TLR4: variants seen among roughly 807,000 people sequenced by gnomAD.
TLR4 encodes toll-like receptor 4.
A neutral mutation model predicts 27.4 loss-of-function variants in TLR4; 17 were observed. The ratio of observed to expected loss-of-function variants is 0.62; its 90% confidence interval spans 0.42 to 0.93. The LOEUF is 0.93. Among genes scored for constraint, TLR4 ranks in the 40% least tolerant of loss-of-function variants. The pLI is 0.00. For synonymous variants in TLR4, 363 were observed against 365.7 expected (o/e 0.99, Z 0.08); for missense variants, 926 against 962.3 (o/e 0.96, Z 0.50).
At position 117,714,768 on chromosome 9, in the gene TLR4, T is replaced by C; in HGVS notation, c.*120T>C. ...CTTATGCTAAGGGTGAGTAATTCCA[T>C]GGTGCACTAGATATGCAGGGCTGCT... On this transcript the variant is annotated 3_prime_UTR_variant, in exon 3 of 3. Transcript: ENST00000355622. The C allele has an allele frequency of 1.2e-6, 1 of 852,146 alleles. No homozygotes were observed. The highest frequency in any genetic ancestry group is 1.9e-6 in the Non-Finnish European group (1 of 521,544). 52.8% of individuals were successfully genotyped at this position (852,146 alleles called of 1,614,324 possible). A position where few individuals can be genotyped will look rare whatever the true frequency, so the allele number is the denominator to read the frequency against.
Position 117,712,957 on chromosome 9 carries a change from C to G in TLR4, c.829C>G (p.Leu277Val). 1 of 1,614,092 alleles carries G rather than the reference C, an allele frequency of 6.2e-7. No individual in the cohort carries two copies. The highest frequency in any genetic ancestry group is 8.5e-7 in the Non-Finnish European group (1 of 1,179,998). Residue 277 changes from leucine to valine, a missense_variant, in exon 3 of 3, where the codon CTA (leucine) becomes GTA (valine). By Grantham distance (32) the Leu-to-Val change is conservative. Transcript: ENST00000355622. ...GNLEKFDKSA[L>V]EGLCNLTIEE... ...CTTGGAAAAGTTTGACAAATCTGCT[C>G]TAGAGGGCCTGTGCAATTTGACCAT...
At position 117,712,392 on chromosome 9, in the gene TLR4, T is replaced by G. The variant is rs1829246330; in HGVS notation, c.264T>G (p.Cys88Trp). 1 of 1,613,388 alleles carries G rather than the reference T, an allele frequency of 6.2e-7. No homozygotes were observed. The highest frequency in any genetic ancestry group is 2.2e-5 in the East Asian group (1 of 44,848). ...CAATGTCTTTTTATTCCTGTAGGTG[T>G]GAAATCCAGACAATTGAAGATGGGG... ...PELQVLDLSR[C>W]EIQTIEDGAY... is the part of the protein sequence containing the mutation. The change falls in exon 3 of 3, where the codon TGT becomes TGG. Residue 88 changes from cysteine (C) to tryptophan (W), a missense_variant. Transcript: ENST00000355622.
At chr9:117,707,422 A>T (rs757476977) in intron 1 of TLR4, among the ~76,000 whole-genome samples, 4 of 152,228 alleles carry the variant, frequency 2.6e-5, no homozygotes, top group Admixed American at 1.3e-4. Flanking sequence ...ATAATAATTA[A>T]TGTTGACATC....
rs201535425 is a variant in TLR4 at position 117,713,739 on chromosome 9, G to A, written c.1611G>A (p.Thr537=). Residue 537 remains threonine (T), a synonymous_variant, in exon 3 of 3, where the codon ACG becomes ACA. Coordinates refer to ENST00000355622, the MANE Select transcript of TLR4 (RefSeq NM_138554.5). ...ACAACAACTTCTTTTCATTGGATAC[G>A]TTTCCTTATAAGTGTCTGAACTCCC... ...MSHNNFFSLD[T]FPYKCLNSLQ... is the part of the protein sequence containing the mutation. The A allele has an allele frequency of 9.3e-6, 15 of 1,613,892 alleles. No homozygotes were observed. Among genetic ancestry groups the A allele is most frequent in the South Asian group, 4.4e-5 (4 of 91,082 alleles).
rs1829383545 is a variant in TLR4 at position 117,718,388 on chromosome 9, GATTT to G, written c.*3747_*3750del. 1.3e-5 allele frequency: 2 copies of G among 152,042 alleles called. No individual in the cohort carries two copies. Among genetic ancestry groups the G allele is most frequent in the South Asian group, 4.1e-4 (2 of 4,820 alleles). The allele number at this position is 152,042 out of a possible 1,614,324, so 9.4% of individuals were successfully genotyped here. Reference sequence around the variant, plus strand: ...TGCATATATGTTATACATACCAAATGATTTATTTATAACCCTATCTTTCCATAAA... The same window carrying G: ...TGCATATATGTTATACATACCAAATGATTTATAACCCTATCTTTCCATAAA... On this transcript the variant is annotated 3_prime_UTR_variant, in exon 3 of 3. Transcript: ENST00000355622.
Position 117,713,166 on chromosome 9 carries a change from C to T in TLR4, c.1038C>T (p.Pro346=). 1 of 1,613,950 alleles carries T rather than the reference C, an allele frequency of 6.2e-7. No individual in the cohort carries two copies. ...TTAACTGTAAATTTGGACAGTTTCC[C>T]ACATTGAAACTCAAATCTCTCAAAA... is the stretch of plus-strand genomic sequence containing the variant. ...ELVNCKFGQF[P]TLKLKSLKRL... Residue 346 remains proline, a synonymous_variant, in exon 3 of 3, where the codon CCC becomes CCT. Coordinates refer to ENST00000355622, the MANE Select transcript of TLR4 (RefSeq NM_138554.5).
At chr9:117,704,626 G>C in intron 1 of TLR4, 61 bp downstream of exon 1, 1 of 1,408,018 alleles carries the variant, frequency 7.1e-7, no homozygotes, top group South Asian at 1.2e-5. Context: ...ACTTCTCACT[G>C]TGTGCCCTGG....
intron 1 of TLR4, chr9:117,708,265 C>T: frequency 2.6e-6 from 3 of 1,163,468 alleles, no homozygotes; most frequent in Non-Finnish European, 3.2e-6. Context: ...GGAGCCTCAG[C>T]CCTTCACCCC....
intron 1 of TLR4, chr9:117,708,258 G>A: frequency 8.7e-7 from 1 of 1,148,644 alleles, no homozygotes; most frequent in Non-Finnish European, 1.1e-6. Flanking sequence ...AGACTCCGGA[G>A]CCTCAGCCCT....
Position 117,708,434 on chromosome 9 carries a change from A to G in TLR4, c.94-129A>G, listed in dbSNP as rs1010703217. On this transcript the variant is annotated intron_variant, in intron 1 of 2. Transcript: ENST00000355622. ...GATATATGGATGGAAGGATGGACAG[A>G]TGGATGAAAGGTTGACTGAATTTTG... The G allele has an allele frequency of 5.8e-5, 91 of 1,569,650 alleles. No individual in the cohort carries two copies. In the Admixed American group the frequency reaches 1.6e-3, roughly 27 times the overall value.
intron 1 of TLR4, 137 bp from the exon 2 acceptor site, chr9:117,708,426 A>T (rs1352850998): frequency 6.4e-7 from 1 of 1,553,484 alleles, no homozygotes. Flanking sequence ...GGATGGAAGG[A>T]TGGACAGATG....
chr9:117,716,302 T>C lies in TLR4; in HGVS notation c.*1654T>C, dbSNP rs553369114. On this transcript the variant is annotated 3_prime_UTR_variant, in exon 3 of 3. Coordinates refer to ENST00000355622, the MANE Select transcript of TLR4 (RefSeq NM_138554.5). ...TTCACAATCACTGTTTCCAAAGTTATGGAAACAACCCAAATTTCCATTGAA... is the reference window on the plus strand; with the variant it reads ...TTCACAATCACTGTTTCCAAAGTTACGGAAACAACCCAAATTTCCATTGAA... 6.6e-6 allele frequency: 1 copy of C among 152,132 alleles called. No individual in the cohort carries two copies. Among genetic ancestry groups the C allele is most frequent in the East Asian group, 1.9e-4 (1 of 5,192 alleles). 9.4% of individuals were successfully genotyped at this position (152,132 alleles called of 1,614,324 possible).
chr9:117,711,091 G>A (rs1829222986), intron 2 of TLR4, among the ~76,000 whole-genome samples: 1 of 152,130 alleles, frequency 6.6e-6, no homozygotes, highest in Non-Finnish European at 1.5e-5. Flanking sequence ...ACCTAGAGAG[G>A]AAAAGAGGTA....
rs756173292 is a variant in TLR4, at chr9:117,713,198, C to G, written c.1070C>G (p.Thr357Ser). 6.2e-7 allele frequency: 1 copy of G among 1,614,018 alleles called. No homozygotes were observed. The highest frequency in any genetic ancestry group is 1.7e-5 in the Admixed American group (1 of 60,004). ...TLKLKSLKRL[T>S]FTSNKGGNAF... ...AAACTCAAATCTCTCAAAAGGCTTA[C>G]TTTCACTTCCAACAAAGGTGGGAAT... The change falls in exon 3 of 3, where the codon ACT (threonine) becomes AGT (serine). Residue 357 changes from threonine (T) to serine (S), a missense_variant. By Grantham distance (58) the Thr-to-Ser change is moderately conservative. Transcript: ENST00000355622.
In TLR4 at chr9:117,720,672, A is replaced by G. The variant is rs1829412436; in HGVS notation, c.*6024A>G. 1 of 152,200 alleles carries G rather than the reference A, an allele frequency of 6.6e-6. No homozygotes were observed. The highest frequency in any genetic ancestry group is 1.5e-5 in the Non-Finnish European group (1 of 68,040). The allele number at this position is 152,200 out of a possible 1,614,324, so 9.4% of individuals were successfully genotyped here. ...TCCTAGGAAACTATCTCACTATGTA[A>G]TTAAATCAAAACCAGCCAGTTACCA... On this transcript the variant is annotated 3_prime_UTR_variant, in exon 3 of 3. Coordinates refer to ENST00000355622, the MANE Select transcript of TLR4 (RefSeq NM_138554.5).
Position 117,723,380 on chromosome 9 carries a change from T to C in TLR4, c.*8732T>C, listed in dbSNP as rs1829443840. 6.6e-6 allele frequency: 1 copy of C among 152,198 alleles called. No homozygotes were observed. Among genetic ancestry groups the C allele is most frequent in the Non-Finnish European group, 1.5e-5 (1 of 68,020 alleles). The allele number at this position is 152,198 out of a possible 1,614,324, so 9.4% of individuals were successfully genotyped here. A position where few individuals can be genotyped will look rare whatever the true frequency, so the allele number is the denominator to read the frequency against. ...CCCCATTGAGTTATAGGTGAAAGGC[T>C]GTGGAAACAAGACATTGATAGTGAA... On this transcript the variant is annotated 3_prime_UTR_variant, in exon 3 of 3. Transcript: ENST00000355622.
Position 117,721,149 on chromosome 9 carries a change from A to G in TLR4, c.*6501A>G, listed in dbSNP as rs1453187788. 1.3e-5 allele frequency: 2 copies of G among 152,208 alleles called. No homozygotes were observed. The highest frequency in any genetic ancestry group is 4.8e-5 in the African/African-American group (2 of 41,464). 9.4% of individuals were successfully genotyped at this position (152,208 alleles called of 1,614,324 possible). ...TTTTGTTACATGAATATATTGCATA[A>G]TGGTTTAGTCTGGGCTGTTAGCGTA... is the stretch of plus-strand genomic sequence containing the variant. On this transcript the variant is annotated 3_prime_UTR_variant, in exon 3 of 3. Transcript: ENST00000355622.
rs1032515736 is a variant in TLR4, at chr9:117,723,907, A to G, written c.*9259A>G. 6.6e-6 allele frequency: 1 copy of G among 152,210 alleles called. No homozygotes were observed. The highest frequency in any genetic ancestry group is 1.5e-5 in the Non-Finnish European group (1 of 68,052). 9.4% of individuals were successfully genotyped at this position (152,210 alleles called of 1,614,324 possible). ...CTACACTGTTAGTCACAGAGGTACC[A>G]TTCGACCCCTTGTGCCTCTTACCAT... On this transcript the variant is annotated 3_prime_UTR_variant, in exon 3 of 3. Transcript: ENST00000355622.
rs1829407262 is a variant in TLR4, at chr9:117,720,242, A to T, written c.*5594A>T. Reference sequence around the variant, plus strand: ...GGGTTGGCCTGATTCTTGGGGCTGCATTCTTTCCATAACATAATTGCTTGC... The same window carrying T: ...GGGTTGGCCTGATTCTTGGGGCTGCTTTCTTTCCATAACATAATTGCTTGC... On this transcript the variant is annotated 3_prime_UTR_variant, in exon 3 of 3. Coordinates refer to ENST00000355622, the MANE Select transcript of TLR4 (RefSeq NM_138554.5). 6.6e-6 allele frequency: 1 copy of T among 152,164 alleles called. No homozygotes were observed. 9.4% of individuals were successfully genotyped at this position (152,164 alleles called of 1,614,324 possible). A position where few individuals can be genotyped will look rare whatever the true frequency, so the allele number is the denominator to read the frequency against.
Sources: allele counts gnomAD v4.1 joint callset (sites outside exome capture counted in the v4.1 genomes callset), GRCh38; gene constraint gnomAD v4.1.1; transcripts MANE v1.5; gene names NCBI Gene and HGNC (gene_info 2026-07-23, HGNC 2026-07-21).